Variants in TGM2 observed in about 807,000 individuals in gnomAD.
The protein encoded by TGM2 is transglutaminase 2.
In TGM2, 53 loss-of-function variants were observed where a neutral mutation model predicts 75.6. The ratio of observed to expected loss-of-function variants is 0.70; its 90% CI spans 0.56 to 0.88. The LOEUF is 0.88. TGM2 is among the 40% of genes least tolerant of loss of function. The probability of loss-of-function intolerance (pLI) is 0.00; values close to 1 mark genes in which losing one functional copy is unlikely to be tolerated. For synonymous variants in TGM2, 374 were observed against 381.1 expected (o/e 0.98, Z 0.22); for missense variants, 842 against 928.5 (o/e 0.91, Z 1.21).
chr20:38,134,110 A>G (rs1294459430), intron 10 of TGM2, among the ~76,000 whole-genome samples: 1 of 152,176 alleles, frequency 6.6e-6, no homozygotes, highest in Non-Finnish European at 1.5e-5. Context: ...GGTCACCAGA[A>G]GGACGGATTG....
chr20:38,155,570 C>T (rs2075173948), intron 3 of TGM2, among the ~76,000 whole-genome samples: 1 of 152,104 alleles, frequency 6.6e-6, no homozygotes, highest in Non-Finnish European at 1.5e-5. Flanking sequence ...GTCTTTAACT[C>T]CTGGCTCGCT....
At chr20:38,130,994 G>A (rs940212204) in intron 12 of TGM2, 99 bp downstream of exon 12, 19 of 1,573,148 alleles carry the variant, frequency 1.2e-5, no homozygotes, top group Non-Finnish European at 1.5e-5. Flanking sequence ...TGAGAGGAGG[G>A]GATTTTCAGC....
In TGM2 at chr20:38,150,888, G is replaced by A. The variant is rs776181743; in HGVS notation, c.552+51C>T. On this transcript the variant is annotated intron_variant, in intron 4 of 12. Transcript: ENST00000361475. ...TTGGCTGCCCCCAGACACAGGGCCG[G>A]GCACACAGAAGGGCCTGAGATGGTT... The A allele has an allele frequency of 5.0e-6, 7 of 1,392,568 alleles. No homozygotes were observed. In the Admixed American group the frequency reaches 1.0e-4, roughly 20 times the overall value. 86.3% of individuals were successfully genotyped at this position (1,392,568 alleles called of 1,614,324 possible).
intron 1 of TGM2, 103 bp from the exon 2 acceptor site, chr20:38,161,702 C>T (rs955923486): frequency 4.4e-6 from 6 of 1,372,614 alleles, no homozygotes; most frequent in East Asian, 2.3e-5. Flanking sequence ...CCTCTTACTC[C>T]CCACAAAGCA....
chr20:38,145,692 A>T (rs2075035197), intron 6 of TGM2: 1 of 151,640 alleles, frequency 6.6e-6, no homozygotes, highest in African/African-American at 2.4e-5. Flanking sequence ...TTACCTAAGG[A>T]CACACAGCTG....
intron 1 of TGM2, among the ~76,000 whole-genome samples, chr20:38,162,985 T>C (rs994589121): frequency 6.6e-6 from 1 of 152,208 alleles, no homozygotes; most frequent in Non-Finnish European, 1.5e-5. Flanking sequence ...GATAAGTGTC[T>C]CTCCCTCTCT....
chr20:38,154,691 T>C (rs1417003497), intron 3 of TGM2, among the ~76,000 whole-genome samples: 1 of 152,058 alleles, frequency 6.6e-6, no homozygotes. Context: ...ACTGAGATAG[T>C]GTATAAGGAG....
In TGM2 at chr20:38,136,578, A is replaced by T. The variant is rs1271795909; in HGVS notation, c.1615+1535T>A. 2.6e-5 allele frequency among the ~76,000 whole-genome samples: 4 copies of T among 152,070 alleles called. No homozygotes were observed. In the East Asian group the frequency reaches 7.7e-4, roughly 29 times the overall value. ...GACGCTAAGGTGCAGGGGAGTGGCC[A>T]TTTGCTCTGGTGACACAGCGAGATG... On this transcript the variant is annotated intron_variant, in intron 10 of 12. Transcript: ENST00000361475.
chr20:38,130,908 T>A (rs1260435638), intron 12 of TGM2, among the ~76,000 whole-genome samples, 185 bp downstream of exon 12: 1 of 152,048 alleles, frequency 6.6e-6, no homozygotes, highest in African/African-American at 2.4e-5. Context: ...ATGGGTGGTG[T>A]CAGCATTGAC....
chr20:38,151,035 C>T lies in TGM2; in HGVS notation c.456G>A (p.Ser152=), dbSNP rs201214408. 1.3e-4 allele frequency: 214 copies of T among 1,614,124 alleles called. 2 individuals carry two copies. In the East Asian group the frequency reaches 3.6e-3, roughly 27 times the overall value. Residue 152 remains serine (S), a synonymous_variant, in exon 4 of 13, where the codon TCG becomes TCA. Coordinates refer to ENST00000361475, the MANE Select transcript of TGM2 (RefSeq NM_004613.4). The part of the protein sequence containing the change: ...WCPADAVYLD[S]EEERQEYVLT... ...GGACATACTCCTGCCGCTCCTCTTC[C>T]GAGTCCAGGTACACAGCATCCGCTG...
upstream of TGM2, among the ~76,000 whole-genome samples, chr20:38,168,176 G>A (rs575438713): frequency 1.3e-5 from 2 of 152,186 alleles, no homozygotes; most frequent in African/African-American, 2.4e-5. Flanking sequence ...CCTGAGTGAC[G>A]CATGGCGTTG....
At chr20:38,138,076 G>A in intron 10 of TGM2, 37 bp downstream of exon 10, 1 of 1,551,748 alleles carries the variant, frequency 6.4e-7, no homozygotes, top group Non-Finnish European at 8.7e-7. Flanking sequence ...GTTGTCAGTT[G>A]GCGGTCAACA....
At chr20:38,148,766 C>T (rs1380014536) in intron 4 of TGM2, among the ~76,000 whole-genome samples, 1 of 152,192 alleles carries the variant, frequency 6.6e-6, no homozygotes, top group Non-Finnish European at 1.5e-5. Context: ...TTTCTCTGCT[C>T]AGAATGCTCT....
intron 3 of TGM2, among the ~76,000 whole-genome samples, chr20:38,153,528 A>AAAAAAAAAAAAAAAAAAAAAAAAG (rs56670550): frequency 8.0e-5 from 10 of 125,238 alleles, no homozygotes; most frequent in South Asian, 2.6e-4. Context: ...TGGTCTCAAA[A>AAAAAAAAAAAAAAAAAAAAAAAAG]AAAAGAAAAA....
chr20:38,159,125 C>T (rs1378628180), intron 2 of TGM2, among the ~76,000 whole-genome samples: 1 of 152,058 alleles, frequency 6.6e-6, no homozygotes, highest in African/African-American at 2.4e-5. Context: ...TTCACCCAAC[C>T]CCAAACTCAG....
rs562776226 is a variant in TGM2 at position 38,136,155 on chromosome 20, G to T, written c.1615+1958C>A. Among the ~76,000 whole-genome samples, 394 of 152,292 alleles carry T rather than the reference G, an allele frequency of 2.6e-3. 3 individuals are homozygous for T. The highest frequency in any genetic ancestry group is 9.0e-3 in the African/African-American group (376 of 41,552). ...GAGTCTGCCCCGGGCCGGACAGTGGGTGTGCCCAGGGCGTGCAGCTCCAGG... is the reference window on the plus strand; with the variant it reads ...GAGTCTGCCCCGGGCCGGACAGTGGTTGTGCCCAGGGCGTGCAGCTCCAGG... On this transcript the variant is annotated intron_variant, in intron 10 of 12. Transcript: ENST00000361475.
At chr20:38,141,536 C>T (rs2074975157) in intron 7 of TGM2, 151 bp from the exon 8 acceptor site, 2 of 691,080 alleles carry the variant, frequency 2.9e-6, no homozygotes, top group Non-Finnish European at 5.1e-6. Context: ...TTGTTCTTCC[C>T]CCCACGGGGG....
chr20:38,132,267 G>T, intron 11 of TGM2, 73 bp downstream of exon 11: 1 of 1,550,720 alleles, frequency 6.4e-7, no homozygotes, highest in Non-Finnish European at 8.9e-7. Flanking sequence ...TGTGTGGGGT[G>T]GGGGTAGGGA....
At chr20:38,151,949 C>T (rs188686709) in intron 3 of TGM2, among the ~76,000 whole-genome samples, 2 of 152,226 alleles carry the variant, frequency 1.3e-5, no homozygotes, top group East Asian at 1.9e-4. Flanking sequence ...TCCACTTAAC[C>T]GGTGAAGAAA....
Sources: gnomAD v4.1 joint callset for allele counts (sites outside exome capture counted in the v4.1 genomes callset) on GRCh38, gnomAD v4.1.1 for gene constraint, MANE v1.5 for transcripts, NCBI Gene and HGNC (gene_info 2026-07-23, HGNC 2026-07-21) for gene names.